The following DCC variants were observed in gnomAD, a reference collection of about 807,000 sequenced individuals.
DCC encodes DCC netrin 1 receptor.
A neutral mutation model predicts 172.5 loss-of-function variants in DCC; 58 were observed. The ratio of observed to expected loss-of-function variants is 0.34; its 90% confidence interval spans 0.27 to 0.42. The LOEUF is 0.42. Ranked by LOEUF, DCC falls within the 10% of genes least tolerant of loss-of-function variation. The pLI, the probability that DCC is intolerant of heterozygous loss-of-function variation, is 1.00. For synonymous variants in DCC, 709 were observed against 644.5 expected (o/e 1.10, Z -1.52); for missense variants, 1,740 against 1,791.0 (o/e 0.97, Z 0.51).
At chr18:53,208,931 A>G (rs2055702596) in intron 11 of DCC, among the ~76,000 whole-genome samples, 1 of 152,068 alleles carries the variant, frequency 6.6e-6, no homozygotes, top group South Asian at 2.1e-4. Flanking sequence ...GAGTTTCACC[A>G]TGCTGAGCAG....
chr18:53,008,669 C>CA (rs2041682313), intron 5 of DCC, among the ~76,000 whole-genome samples: 1 of 151,718 alleles, frequency 6.6e-6, no homozygotes, highest in Non-Finnish European at 1.5e-5. Context: ...CATTATTACT[C>CA]AAAAACTTTG....
intron 12 of DCC, among the ~76,000 whole-genome samples, chr18:53,273,250 A>G (rs1037181229): frequency 1.9e-4 from 29 of 152,152 alleles, no homozygotes; most frequent in Admixed American, 1.8e-3. Flanking sequence ...GATTTTTTTC[A>G]TAATATGAAA....
At chr18:52,673,276 T>C (rs1157776435) in intron 1 of DCC, among the ~76,000 whole-genome samples, 1 of 152,208 alleles carries the variant, frequency 6.6e-6, no homozygotes. Flanking sequence ...CTGCTTCAAA[T>C]TGAATCTAGA....
chr18:52,535,157 C>T (rs933129655), intron 1 of DCC, among the ~76,000 whole-genome samples: 1 of 152,180 alleles, frequency 6.6e-6, no homozygotes, highest in Non-Finnish European at 1.5e-5. Flanking sequence ...AATCAATAAT[C>T]AATCAAAGAA....
At chr18:53,386,677 G>A (rs536667844) in intron 16 of DCC, among the ~76,000 whole-genome samples, 9 of 152,212 alleles carry the variant, frequency 5.9e-5, no homozygotes, top group African/African-American at 1.9e-4. Flanking sequence ...CAGTGCCCAG[G>A]GCCTCAGGAC....
chr18:52,415,974 A>G (rs370532359), intron 1 of DCC, among the ~76,000 whole-genome samples: 1 of 151,688 alleles, frequency 6.6e-6, no homozygotes, highest in Non-Finnish European at 1.5e-5. Flanking sequence ...TAGGGTGTCA[A>G]TTTTGGATCT....
At chr18:53,494,671 C>T (rs1321421482) in intron 26 of DCC, among the ~76,000 whole-genome samples, 1 of 152,108 alleles carries the variant, frequency 6.6e-6, no homozygotes, top group African/African-American at 2.4e-5. Context: ...CTTGGTAAAT[C>T]TTCCTCTATC....
intron 1 of DCC, among the ~76,000 whole-genome samples, chr18:52,523,615 G>A (rs967462139): frequency 1.3e-5 from 2 of 152,118 alleles, no homozygotes; most frequent in African/African-American, 4.8e-5. Context: ...TCTACATTGT[G>A]AATGCCTCTG....
chr18:52,390,306 G>A (rs1333833161), intron 1 of DCC, among the ~76,000 whole-genome samples: 1 of 151,960 alleles, frequency 6.6e-6, no homozygotes, highest in African/African-American at 2.4e-5. Flanking sequence ...AGCTCTACCT[G>A]CTGGGAGACA....
intron 1 of DCC, among the ~76,000 whole-genome samples, chr18:52,402,183 C>T (rs926516803): frequency 3.3e-5 from 5 of 151,658 alleles, no homozygotes; most frequent in Non-Finnish European, 5.9e-5. Flanking sequence ...AGTAACTACC[C>T]GATATTAATG....
intron 7 of DCC, among the ~76,000 whole-genome samples, chr18:53,069,355 A>G (rs9947974): frequency 0.31 from 47,709 of 151,912 alleles, 9,072 homozygotes; most frequent in African/African-American, 0.53. Context: ...AAGAAGCTCT[A>G]TTTCGACCCT....
At position 53,035,533 on chromosome 18, in the gene DCC, T is replaced by G. The variant is rs941723077; in HGVS notation, c.986-27772T>G. Among the ~76,000 whole-genome samples the G allele has an allele frequency of 3.3e-5, 5 of 152,268 alleles. 1 individual carries two copies. The highest frequency in any genetic ancestry group is 4.1e-4 in the South Asian group (2 of 4,826). On this transcript the variant is annotated intron_variant, in intron 5 of 28. Coordinates refer to ENST00000442544, the MANE Select transcript of DCC (RefSeq NM_005215.4). ...ATTTTATAAAATTTTAATATAATTG[T>G]TATTTGAGAAGAATATAAAGGTTAA...
At chr18:53,462,456 G>GA (rs1473749887) in intron 24 of DCC, among the ~76,000 whole-genome samples, 21 of 151,516 alleles carry the variant, frequency 1.4e-4, no homozygotes, top group Admixed American at 4.6e-4. Context: ...CTGATGATCT[G>GA]TCACTGTCTC....
chr18:53,031,626 TA>T (rs1376326210), intron 5 of DCC, among the ~76,000 whole-genome samples: 2 of 151,976 alleles, frequency 1.3e-5, no homozygotes, highest in Non-Finnish European at 2.9e-5. Flanking sequence ...TTAATAGAAC[TA>T]AAAAAATTTT....
Position 52,865,356 on chromosome 18 carries a change from G to A in DCC, c.413-40688G>A, listed in dbSNP as rs555271359. Among the ~76,000 whole-genome samples the A allele has an allele frequency of 3.3e-5, 5 of 152,262 alleles. No individual in the cohort carries two copies. The South Asian group carries it at 8.3e-4, about 25-fold the overall frequency. The stretch of plus-strand genomic sequence containing the variant: ...TTATAATCCTTTGGGTATATACCCA[G>A]TAATAGGATTGCTGGATCAGATGGT... On this transcript the variant is annotated intron_variant, in intron 2 of 28. Coordinates refer to ENST00000442544, the MANE Select transcript of DCC (RefSeq NM_005215.4).
intron 11 of DCC, among the ~76,000 whole-genome samples, chr18:53,212,260 G>T (rs944095141): frequency 6.6e-6 from 1 of 152,086 alleles, no homozygotes; most frequent in Non-Finnish European, 1.5e-5. Context: ...TCATTGGCTT[G>T]AATGGACCTA....
intron 5 of DCC, among the ~76,000 whole-genome samples, chr18:53,000,381 G>GC (rs771815441): frequency 1.3e-5 from 2 of 151,804 alleles, no homozygotes; most frequent in African/African-American, 2.4e-5. Context: ...CTCATTACTT[G>GC]CCTTGAAATG....
intron 27 of DCC, among the ~76,000 whole-genome samples, chr18:53,514,262 A>G (rs1395405959): frequency 2.0e-5 from 3 of 152,174 alleles, no homozygotes; most frequent in Non-Finnish European, 4.4e-5. Context: ...ACGAGAACAA[A>G]GACACAACAT....
intron 2 of DCC, among the ~76,000 whole-genome samples, chr18:52,788,277 A>G (rs908827797): frequency 1.3e-5 from 2 of 152,210 alleles, no homozygotes; most frequent in African/African-American, 4.8e-5. Context: ...TAGTGATTTC[A>G]AACACATGTT....
Sources: gnomAD v4.1 joint callset for allele counts (sites outside exome capture counted in the v4.1 genomes callset) on GRCh38, gnomAD v4.1.1 for gene constraint, MANE v1.5 for transcripts, NCBI Gene and HGNC (gene_info 2026-07-23, HGNC 2026-07-21) for gene names.